EFCAB5: variants seen among roughly 807,000 people sequenced by gnomAD.
EFCAB5 encodes EF-hand calcium binding domain 5.
A neutral mutation model predicts 167.9 loss-of-function variants in EFCAB5; 131 were observed. That is an observed-to-expected ratio of 0.78 (90% CI 0.68 to 0.90). EFCAB5 has a LOEUF of 0.90. EFCAB5 is among the 40% of genes least tolerant of loss of function. EFCAB5 has a pLI of 0.00. For missense variants in EFCAB5, 1,663 were observed against 1,745.2 expected (o/e 0.95, Z 0.84); for synonymous variants, 574 against 602.8 (o/e 0.95, Z 0.70).
At chr17:30,102,123 G>A (rs995376753) in intron 22 of EFCAB5, among the ~76,000 whole-genome samples, 14 of 149,266 alleles carry the variant, frequency 9.4e-5, no homozygotes, top group Non-Finnish European at 1.3e-4. Context: ...TAGGTGTGCT[G>A]GTAGAAGTCT....
intron 14 of EFCAB5, among the ~76,000 whole-genome samples, chr17:30,076,904 T>G (rs998469183): frequency 6.6e-6 from 1 of 152,230 alleles, no homozygotes; most frequent in African/African-American, 2.4e-5. Context: ...TAGAAAGATA[T>G]GTTGAAAAGA....
chr17:30,096,677 A>ATATTTTTTTTTT (rs1193558323), intron 22 of EFCAB5, among the ~76,000 whole-genome samples: 1 of 60,128 alleles, frequency 1.7e-5, no homozygotes, highest in African/African-American at 8.4e-5. Flanking sequence ...ATATATATAT[A>ATATTTTTTTTTT]TTTTTTTTTT....
In EFCAB5 at chr17:29,969,069, G is replaced by T; in HGVS notation, c.469G>T (p.Ala157Ser). ...AEKKLPRDNL[A>S]KEWFNTDSMT... ...AAAAAAACTCCCTAGGGATAATTTG[G>T]CCAAAGAGTGGTTTAATACTGACAG... Residue 157 changes from alanine to serine, a missense_variant, in exon 4 of 23, where the codon GCC becomes TCC. Transcript: ENST00000394835. 1.9e-6 allele frequency: 3 copies of T among 1,611,702 alleles called. No homozygotes were observed. The highest frequency in any genetic ancestry group is 2.5e-6 in the Non-Finnish European group (3 of 1,179,084).
chr17:29,934,963 T>C (rs2067232958), intron 1 of EFCAB5, among the ~76,000 whole-genome samples: 1 of 152,126 alleles, frequency 6.6e-6, no homozygotes, highest in Non-Finnish European at 1.5e-5. Flanking sequence ...AATGAAGTAT[T>C]TCACTTAAAA....
intron 7 of EFCAB5, among the ~76,000 whole-genome samples, chr17:30,025,669 G>T (rs1276273928): frequency 1.3e-5 from 2 of 152,120 alleles, no homozygotes; most frequent in African/African-American, 2.4e-5. Flanking sequence ...CCATTACTGG[G>T]TATATACCCA....
chr17:29,985,303 T>C (rs976939352), intron 4 of EFCAB5, among the ~76,000 whole-genome samples: 1 of 152,186 alleles, frequency 6.6e-6, no homozygotes, highest in South Asian at 2.1e-4. Flanking sequence ...GATATACCCC[T>C]AGACAGATTT....
chr17:30,054,122 C>G lies in EFCAB5; in HGVS notation c.2168C>G (p.Thr723Ser). ...TCTGAACTGCAAGAGGAAGTTCCAACCTTAAGCAGAAAAGATCACTTTCCA... is the reference window on the plus strand; with the variant it reads ...TCTGAACTGCAAGAGGAAGTTCCAAGCTTAAGCAGAAAAGATCACTTTCCA... Reference protein sequence around the residue: ...LSSELQEEVPTLSRKDHFPET... With the variant: ...LSSELQEEVPSLSRKDHFPET... The change falls in exon 10 of 23, where the codon ACC becomes AGC. Residue 723 changes from threonine to serine, a missense_variant. Physicochemically the swap from Thr to Ser is moderately conservative, Grantham distance 58. Coordinates refer to ENST00000394835, the MANE Select transcript of EFCAB5 (RefSeq NM_198529.4). 1 of 1,566,526 alleles carries G rather than the reference C, an allele frequency of 6.4e-7. No homozygotes were observed. The highest frequency in any genetic ancestry group is 1.4e-5 in the African/African-American group (1 of 73,408).
chr17:30,091,026 A>T (rs1468380020), intron 20 of EFCAB5, among the ~76,000 whole-genome samples: 1 of 152,202 alleles, frequency 6.6e-6, no homozygotes, highest in African/African-American at 2.4e-5. Flanking sequence ...TACCCCACTT[A>T]CAGGTGAGGA....
chr17:29,936,564 A>C (rs1348696330), intron 1 of EFCAB5, among the ~76,000 whole-genome samples: 3 of 152,214 alleles, frequency 2.0e-5, no homozygotes, highest in Non-Finnish European at 4.4e-5. Context: ...AGTATAACAA[A>C]GCCAGCTGGC....
intron 14 of EFCAB5, chr17:30,069,384 T>A: frequency 6.4e-7 from 1 of 1,556,030 alleles, no homozygotes; most frequent in Non-Finnish European, 8.9e-7. Flanking sequence ...TTTGATGAAG[T>A]GAGGCAGATC....
In EFCAB5 at chr17:30,003,102, G is replaced by C. The variant is rs192074505; in HGVS notation, c.1044+3126G>C. ...TTTTCCTCTTTTTTTTTTGTAGCGGGGGGGGGGTCTGATATTTCCTCTGTT... is the reference window on the plus strand; with the variant it reads ...TTTTCCTCTTTTTTTTTTGTAGCGGCGGGGGGGTCTGATATTTCCTCTGTT... On this transcript the variant is annotated intron_variant, in intron 7 of 22. Transcript: ENST00000394835. 6.3e-4 allele frequency among the ~76,000 whole-genome samples: 88 copies of C among 140,536 alleles called. 1 individual carries two copies. The highest frequency in any genetic ancestry group is 1.3e-3 in the African/African-American group (52 of 39,202). The allele number at this position is 140,536 out of a possible 152,430, so 92.2% of individuals were successfully genotyped here. A position where few individuals can be genotyped will look rare whatever the true frequency, so the allele number is the denominator to read the frequency against.
intron 13 of EFCAB5, among the ~76,000 whole-genome samples, 164 bp downstream of exon 13, chr17:30,058,054 A>G (rs1050158779): frequency 1.3e-5 from 2 of 152,236 alleles, no homozygotes; most frequent in African/African-American, 4.8e-5. Context: ...ATCATCAAAT[A>G]TTCTAAGATC....
chr17:29,946,300 A>G (rs548519261), intron 3 of EFCAB5, among the ~76,000 whole-genome samples: 1 of 152,196 alleles, frequency 6.6e-6, no homozygotes, highest in Non-Finnish European at 1.5e-5. Context: ...TACTCCTGCA[A>G]GAAGGATCAT....
intron 19 of EFCAB5, among the ~76,000 whole-genome samples, chr17:30,088,625 C>G (rs935110618): frequency 6.6e-6 from 1 of 152,174 alleles, no homozygotes; most frequent in Non-Finnish European, 1.5e-5. Context: ...ATGACTCTCA[C>G]TTGTCAAATG....
chr17:29,935,761 G>A (rs1050675992), intron 1 of EFCAB5, among the ~76,000 whole-genome samples: 72 of 151,796 alleles, frequency 4.7e-4, no homozygotes, highest in African/African-American at 1.6e-3. Flanking sequence ...GGAAGCAAAG[G>A]GAAAAATTTA....
intron 8 of EFCAB5, among the ~76,000 whole-genome samples, chr17:30,042,883 A>C (rs1043404534): frequency 2.6e-5 from 4 of 152,184 alleles, no homozygotes; most frequent in African/African-American, 9.7e-5. Context: ...TAGACCCAAA[A>C]ATCTTTAAGT....
chr17:30,073,332 C>T (rs1233513906), intron 14 of EFCAB5: 2 of 543,570 alleles, frequency 3.7e-6, no homozygotes, highest in Non-Finnish European at 6.5e-6. Context: ...GCTGGGATTA[C>T]AGGCATGAGC....
At chr17:30,015,104 T>C (rs2069001171) in intron 7 of EFCAB5, among the ~76,000 whole-genome samples, 1 of 152,220 alleles carries the variant, frequency 6.6e-6, no homozygotes, top group Non-Finnish European at 1.5e-5. Flanking sequence ...AATTCTTTTC[T>C]TTAAGAATGT....
intron 7 of EFCAB5, among the ~76,000 whole-genome samples, chr17:30,012,662 G>A (rs2068933701): frequency 6.6e-6 from 1 of 152,176 alleles, no homozygotes; most frequent in Non-Finnish European, 1.5e-5. Context: ...CTTGGTGGTA[G>A]TGGTCCCCCG....
Sources: allele counts gnomAD v4.1 joint callset (sites outside exome capture counted in the v4.1 genomes callset), GRCh38; gene constraint gnomAD v4.1.1; transcripts MANE v1.5; gene names NCBI Gene and HGNC (gene_info 2026-07-23, HGNC 2026-07-21).